The following STK11 variants were observed in gnomAD, a reference collection of about 807,000 sequenced individuals.
STK11 encodes serine/threonine kinase 11, also known as serine/threonine-protein kinase STK11.
Under a neutral mutation model 47.3 loss-of-function variants are expected in STK11, and 8 were observed. The observed-to-expected ratio is 0.17, with a 90% CI of 0.10 to 0.31. The LOEUF (loss-of-function observed/expected upper bound fraction) is 0.31. Among genes scored for constraint, STK11 ranks in the 10% least tolerant of loss-of-function variants. The pLI, the probability that STK11 is intolerant of heterozygous loss-of-function variation, is 1.00. For missense variants in STK11, 475 were observed against 605.0 expected (o/e 0.79, Z 2.25); for synonymous variants, 330 against 255.8 (o/e 1.29, Z -2.77).
intron 8 of STK11, chr19:1,223,911 G>T (rs913156676): frequency 2.0e-6 from 2 of 1,014,348 alleles, no homozygotes; most frequent in Non-Finnish European, 2.4e-6. Context: ...TCGGGCTGGA[G>T]CCTGAGGGGG....
rs1050439702 is a variant in STK11 at position 1,206,324 on chromosome 19, C to T, written c.-590C>T. 4.6e-4 allele frequency: 104 copies of T among 228,046 alleles called. No individual in the cohort carries two copies. Among genetic ancestry groups the T allele is most frequent in the Non-Finnish European group, 7.6e-4 (87 of 114,786 alleles). The allele number at this position is 228,046 out of a possible 1,614,324, so 14.1% of individuals were successfully genotyped here. A position where few individuals can be genotyped will look rare whatever the true frequency, so the allele number is the denominator to read the frequency against. ...CGGGCCGGCGGGAGTCGGCGCCCCC[C>T]GGGAGGTCCGCTCGGTCGTCCGCGG... On this transcript the variant is annotated 5_prime_UTR_variant, in exon 1 of 10. Transcript: ENST00000326873.
chr19:1,226,474 G>C lies in STK11; in HGVS notation c.1129G>C (p.Ala377Pro), dbSNP rs768870802. 6 of 1,611,304 alleles carry C rather than the reference G, an allele frequency of 3.7e-6. No individual in the cohort carries two copies. Among genetic ancestry groups the C allele is most frequent in the South Asian group, 1.1e-5 (1 of 90,858 alleles). ...CCCAGGACAGGTCCCAGAAGAGGAGGCCAGTCACAATGGACAGCGCCGGGG... is the reference window on the plus strand; with the variant it reads ...CCCAGGACAGGTCCCAGAAGAGGAGCCCAGTCACAATGGACAGCGCCGGGG... Reference protein sequence around the residue: ...TVPGQVPEEEASHNGQRRGLP... With the variant: ...TVPGQVPEEEPSHNGQRRGLP... Residue 377 changes from alanine to proline, a missense_variant, in exon 9 of 10, where the codon GCC becomes CCC. Physicochemically the swap from Ala to Pro is conservative, Grantham distance 27. Transcript: ENST00000326873.
At chr19:1,215,601 T>C (rs766263106) in intron 1 of STK11, among the ~76,000 whole-genome samples, 6 of 152,240 alleles carry the variant, frequency 3.9e-5, no homozygotes, top group Non-Finnish European at 8.8e-5. Context: ...GCCTTGGCCT[T>C]CTGAGGTTGC....
chr19:1,206,831 A>G lies in STK11; in HGVS notation c.-83A>G, dbSNP rs1599914580. 9 of 1,410,390 alleles carry G rather than the reference A, an allele frequency of 6.4e-6. No individual in the cohort carries two copies. The highest frequency in any genetic ancestry group is 4.5e-5 in the South Asian group (3 of 67,228). 87.4% of individuals were successfully genotyped at this position (1,410,390 alleles called of 1,614,324 possible). ...TTCTTTTTTCTTTGTAAAATTTTGGAGAAGGGAAGTCGGAACACAAGGAAG... is the reference window on the plus strand; with the variant it reads ...TTCTTTTTTCTTTGTAAAATTTTGGGGAAGGGAAGTCGGAACACAAGGAAG... On this transcript the variant is annotated 5_prime_UTR_variant, in exon 1 of 10. Coordinates refer to ENST00000326873, the MANE Select transcript of STK11 (RefSeq NM_000455.5).
chr19:1,220,144 T>C, intron 3 of STK11: 1 of 526,906 alleles, frequency 1.9e-6, no homozygotes. Context: ...ATGAGACCTG[T>C]GGACATCCGG....
In STK11 at chr19:1,206,588, G is replaced by A. The variant is rs2080666753; in HGVS notation, c.-326G>A. 9.4e-6 allele frequency: 4 copies of A among 427,584 alleles called. No homozygotes were observed. The highest frequency in any genetic ancestry group is 3.9e-5 in the East Asian group (1 of 25,806). 26.5% of individuals were successfully genotyped at this position (427,584 alleles called of 1,614,324 possible). On this transcript the variant is annotated 5_prime_UTR_variant, in exon 1 of 10. Transcript: ENST00000326873. ...CCCGGCCGGCCTCCCCAGGGTCCCC[G>A]AGGACGAAGTTGACCCTGACCGGGC... is the stretch of plus-strand genomic sequence containing the variant.
chr19:1,221,907 G>A (rs939175490), intron 6 of STK11, 42 bp from the exon 7 acceptor site: 2 of 1,549,446 alleles, frequency 1.3e-6, no homozygotes, highest in Non-Finnish European at 1.7e-6. Flanking sequence ...GGGGTCTCAG[G>A]CCTGTGCCCA....
At chr19:1,222,120 G>GC (rs970855080) in intron 7 of STK11, 114 bp downstream of exon 7, 4 of 1,274,770 alleles carry the variant, frequency 3.1e-6, no homozygotes, top group Non-Finnish European at 2.2e-6. Flanking sequence ...CTGGGCTGGG[G>GC]CCAGACCCCG....
rs2080821683 is a variant in STK11, at chr19:1,226,471, G to A, written c.1126G>A (p.Glu376Lys). 1 of 1,611,268 alleles carries A rather than the reference G, an allele frequency of 6.2e-7. No homozygotes were observed. The highest frequency in any genetic ancestry group is 8.5e-7 in the Non-Finnish European group (1 of 1,179,326). Reference protein sequence around the residue: ...FTVPGQVPEEEASHNGQRRGL... With the variant: ...FTVPGQVPEEKASHNGQRRGL... ...CCTCCCAGGACAGGTCCCAGAAGAG[G>A]AGGCCAGTCACAATGGACAGCGCCG... Residue 376 changes from glutamate to lysine, a missense_variant, in exon 9 of 10, where the codon GAG (glutamate) becomes AAG (lysine). This residue lies in a region of STK11 where 219 missense variants were observed against 189.2 expected (regional missense o/e 1.16). Transcript: ENST00000326873.
Position 1,205,805 on chromosome 19 carries a change from C to G in STK11, c.-1109C>G, listed in dbSNP as rs921317971. 4.9e-6 allele frequency: 1 copy of G among 202,908 alleles called. No individual in the cohort carries two copies. The highest frequency in any genetic ancestry group is 6.0e-5 in the Admixed American group (1 of 16,674). The allele number at this position is 202,908 out of a possible 1,614,324, so 12.6% of individuals were successfully genotyped here. On this transcript the variant is annotated 5_prime_UTR_variant, in exon 1 of 10. Transcript: ENST00000326873. ...GGTAAACAAGATGGCGGCGGCGTGT[C>G]GGGCGCGGAAGGGGGAGGCGGCCCG... is the stretch of plus-strand genomic sequence containing the variant.
rs759284466 is a variant in STK11, at chr19:1,206,913, C to T, written c.-1C>T. 33 of 1,575,088 alleles carry T rather than the reference C, an allele frequency of 2.1e-5. No homozygotes were observed. Among genetic ancestry groups the T allele is most frequent in the Non-Finnish European group, 2.2e-5 (26 of 1,161,034 alleles). On this transcript the variant is annotated 5_prime_UTR_variant, in exon 1 of 10. Coordinates refer to ENST00000326873, the MANE Select transcript of STK11 (RefSeq NM_000455.5). ...CGGGACTCCAGGACCCTGGGTCCAG[C>T]ATGGAGGTGGTGGACCCGCAGCAGC...
chr19:1,207,230 C>T (rs746682160), intron 1 of STK11, 27 bp downstream of exon 1: 1 of 1,572,588 alleles, frequency 6.4e-7, no homozygotes, highest in South Asian at 1.2e-5. Flanking sequence ...GGGGTCGGGG[C>T]CGGGCCGGGC....
In STK11 at chr19:1,206,784, G is replaced by C; in HGVS notation, c.-130G>C. 1 of 1,186,234 alleles carries C rather than the reference G, an allele frequency of 8.4e-7. No individual in the cohort carries two copies. 73.5% of individuals were successfully genotyped at this position (1,186,234 alleles called of 1,614,324 possible). ...AAGAAGGGTTTTTCCCTTCCTTTTG[G>C]GGTTTTTGTTGCCTTTTTTTTTTCT... is the stretch of plus-strand genomic sequence containing the variant. On this transcript the variant is annotated 5_prime_UTR_variant, in exon 1 of 10. Coordinates refer to ENST00000326873, the MANE Select transcript of STK11 (RefSeq NM_000455.5).
At chr19:1,216,348 G>C (rs946765627) in intron 1 of STK11, 2 of 173,150 alleles carry the variant, frequency 1.2e-5, no homozygotes, top group African/African-American at 4.8e-5. Flanking sequence ...CCTGTCGGCC[G>C]GGCGCGGTGA....
Position 1,220,417 on chromosome 19 carries a change from A to G in STK11, c.509A>G (p.Gln170Arg), listed in dbSNP as rs876659972. 1 of 1,605,750 alleles carries G rather than the reference A, an allele frequency of 6.2e-7. No individual in the cohort carries two copies. Among genetic ancestry groups the G allele is most frequent in the Non-Finnish European group, 8.5e-7 (1 of 1,176,664 alleles). Residue 170 changes from glutamine to arginine, a missense_variant, in exon 4 of 10, where the codon CAG (glutamine) becomes CGG (arginine). Around this residue, in one of 5 missense-constraint regions of STK11, gnomAD observed 130 missense variants for 239.7 expected, o/e 0.54. Transcript: ENST00000326873. ...GACGGCCTGGAGTACCTGCATAGCC[A>G]GGGCATTGTGCACAAGGACATCAAG... ...LIDGLEYLHSQGIVHKDIKPG... is the reference protein window; with the variant it reads ...LIDGLEYLHSRGIVHKDIKPG...
At chr19:1,210,513 C>T (rs1259333653) in intron 1 of STK11, among the ~76,000 whole-genome samples, 1 of 152,142 alleles carries the variant, frequency 6.6e-6, no homozygotes, top group African/African-American at 2.4e-5. Context: ...ATGCCTTGTC[C>T]CGCTCTCACC....
rs2080667426 is a variant in STK11, at chr19:1,206,672, G to C, written c.-242G>C. ...AACTCGCGTCTGAGCCGCCGTCCCGGACCCCCGGTGCCCGCCGGTCCGCAG... is the reference window on the plus strand; with the variant it reads ...AACTCGCGTCTGAGCCGCCGTCCCGCACCCCCGGTGCCCGCCGGTCCGCAG... On this transcript the variant is annotated 5_prime_UTR_variant, in exon 1 of 10. Coordinates refer to ENST00000326873, the MANE Select transcript of STK11 (RefSeq NM_000455.5). 1.8e-6 allele frequency: 1 copy of C among 557,924 alleles called. No homozygotes were observed. The highest frequency in any genetic ancestry group is 3.1e-6 in the Non-Finnish European group (1 of 324,038). The allele number at this position is 557,924 out of a possible 1,614,324, so 34.6% of individuals were successfully genotyped here.
chr19:1,210,884 C>T (rs138786720), intron 1 of STK11, among the ~76,000 whole-genome samples: 25 of 140,184 alleles, frequency 1.8e-4, no homozygotes, highest in Non-Finnish European at 3.0e-4. Context: ...GGGCTGGGGC[C>T]GGGCGTGGTG....
chr19:1,221,507 C>A, intron 6 of STK11, 167 bp downstream of exon 6: 2 of 1,066,644 alleles, frequency 1.9e-6, no homozygotes, highest in Non-Finnish European at 2.6e-6. Context: ...TTTGCCAGGT[C>A]CCTCAGCTCC....
Sources: gnomAD v4.1 joint callset for allele counts (sites outside exome capture counted in the v4.1 genomes callset) on GRCh38, gnomAD v4.1.1 for gene constraint, gnomAD v4.1.1 regional missense constraint, MANE v1.5 for transcripts, NCBI Gene and HGNC (gene_info 2026-07-23, HGNC 2026-07-21) for gene names.